The following AP2S1 variants were observed in gnomAD, a reference collection of about 807,000 sequenced individuals.
AP2S1 encodes AP-2 complex subunit sigma.
A neutral mutation model predicts 21.0 loss-of-function variants in AP2S1; 6 were observed. The ratio of observed to expected loss-of-function variants is 0.29; its 90% CI spans 0.16 to 0.56. The LOEUF (loss-of-function observed/expected upper bound fraction) is 0.56. Ranked by LOEUF, AP2S1 falls within the 20% of genes least tolerant of loss-of-function variation. AP2S1 has a pLI of 0.92. For missense variants in AP2S1, 60 were observed against 186.2 expected, an observed-to-expected ratio of 0.32 and a Z score of 3.95; for synonymous variants, 63 against 74.6, an observed-to-expected ratio of 0.84 and a Z score of 0.80.
In AP2S1 at chr19:46,838,699, C is replaced by G; in HGVS notation, c.327+41G>C. The G allele has an allele frequency of 6.2e-7, 1 of 1,609,094 alleles. No homozygotes were observed. The highest frequency in any genetic ancestry group is 8.5e-7 in the Non-Finnish European group (1 of 1,175,850). On this transcript the variant is annotated intron_variant, in intron 4 of 4. Coordinates refer to ENST00000263270, the MANE Select transcript of AP2S1 (RefSeq NM_004069.6). The surrounding 1 kb of genome is among the most constrained non-coding windows in gnomAD (Gnocchi z 4.1). ...TGCACCACGGGTCCCCCCCGTCCCC[C>G]TCCTCTGGCTCCTTCAGCCTCCTCT... is the stretch of plus-strand genomic sequence containing the variant.
chr19:46,840,224 C>G (rs1365818442), intron 2 of AP2S1, among the ~76,000 whole-genome samples: 2 of 151,906 alleles, frequency 1.3e-5, no homozygotes, highest in Non-Finnish European at 2.9e-5. Context: ...ATGCCAGGAT[C>G]AGGGACATGG....
At chr19:46,842,061 G>A (rs965426694) in intron 2 of AP2S1, among the ~76,000 whole-genome samples, 1 of 152,116 alleles carries the variant, frequency 6.6e-6, no homozygotes, top group African/African-American at 2.4e-5. Context: ...GGTCCCTGTA[G>A]TCCCAGCTAC....
At chr19:46,841,403 C>T (rs546638426) in intron 2 of AP2S1, among the ~76,000 whole-genome samples, 2 of 152,346 alleles carry the variant, frequency 1.3e-5, no homozygotes, top group Non-Finnish European at 2.9e-5. Context: ...TCCAGCCTCC[C>T]TTCCTGTTTT....
chr19:46,850,754 C>T lies in AP2S1; in HGVS notation c.3+10G>A, dbSNP rs1335664968. 1.9e-6 allele frequency: 3 copies of T among 1,580,694 alleles called. No homozygotes were observed. Among genetic ancestry groups the T allele is most frequent in the Non-Finnish European group, 1.7e-6 (2 of 1,156,334 alleles). On this transcript the variant is annotated intron_variant, in intron 1 of 4. Coordinates refer to ENST00000263270, the MANE Select transcript of AP2S1 (RefSeq NM_004069.6). ...CTCCGCCAGTCCCCGGCGTAGCGCT[C>T]CCCCGTTACCATGGCGACCCCCGTC...
In AP2S1 at chr19:46,839,841, A is replaced by AG. The variant is rs3833244; in HGVS notation, c.154-264dup. 0.51 allele frequency among the ~76,000 whole-genome samples: 76,729 copies of AG among 151,714 alleles called. 20,902 individuals carry two copies. Among genetic ancestry groups the AG allele is most frequent in the African/African-American group, 0.7 (28,881 of 41,348 alleles). On this transcript the variant is annotated intron_variant, in intron 2 of 4. Transcript: ENST00000263270. ...TAACCCCCTCTGATCCTGGAGAGTCAGGAGGGCTTCCTGGAGGAGGGGGTA... is the reference window on the plus strand; with the variant it reads ...TAACCCCCTCTGATCCTGGAGAGTCAGGGAGGGCTTCCTGGAGGAGGGGGTA...
At chr19:46,840,518 T>C (rs898504288) in intron 2 of AP2S1, among the ~76,000 whole-genome samples, 11 of 151,788 alleles carry the variant, frequency 7.2e-5, no homozygotes, top group Non-Finnish European at 1.5e-4. Flanking sequence ...CGTGTACCTG[T>C]GGTCCCAGCT....
At chr19:46,847,106 C>T (rs1028786343) in intron 1 of AP2S1, among the ~76,000 whole-genome samples, 13 of 152,146 alleles carry the variant, frequency 8.5e-5, no homozygotes, top group Non-Finnish European at 1.6e-4. Context: ...TTTCTCTTTG[C>T]TTCCTAACTT....
At chr19:46,843,893 A>G (rs2055571578) in intron 2 of AP2S1, among the ~76,000 whole-genome samples, 1 of 152,044 alleles carries the variant, frequency 6.6e-6, no homozygotes, top group Non-Finnish European at 1.5e-5. Flanking sequence ...GTCTCTAAAA[A>G]ACACCAAAAA....
intron 1 of AP2S1, among the ~76,000 whole-genome samples, chr19:46,847,798 T>C (rs1200469600): frequency 1.3e-5 from 2 of 152,084 alleles, no homozygotes; most frequent in African/African-American, 4.8e-5. Flanking sequence ...CGTGGCTGAG[T>C]GATCCTCTGT....
chr19:46,846,204 C>T (rs2055630386), intron 1 of AP2S1, 62 bp from the exon 2 acceptor site: 2 of 1,589,024 alleles, frequency 1.3e-6, no homozygotes, highest in South Asian at 1.1e-5. Context: ...TTGGGTGCTG[C>T]CCAACGGCCC....
chr19:46,848,067 GAGGAGTAA>G (rs1290317215), intron 1 of AP2S1, among the ~76,000 whole-genome samples: 1 of 152,062 alleles, frequency 6.6e-6, no homozygotes, highest in African/African-American at 2.4e-5. Context: ...AGTTTACTGT[GAGGAGTAA>G]AGGATATTCC....
rs764702221 is a variant in AP2S1 at position 46,838,398 on chromosome 19, A to G, written c.*49T>C. The G allele has an allele frequency of 6.3e-7, 1 of 1,581,340 alleles. No homozygotes were observed. The highest frequency in any genetic ancestry group is 8.7e-7 in the Non-Finnish European group (1 of 1,151,550). On this transcript the variant is annotated 3_prime_UTR_variant, in exon 5 of 5. Transcript: ENST00000263270. This position sits in a 1 kb window ranked among gnomAD's most constrained non-coding sequence, Gnocchi z 4.1. The stretch of plus-strand genomic sequence containing the variant: ...GCCACGGGCCTGGGAAGGGGAAGCG[A>G]GCAGGCGAGTCCAGGAGGGGCCGGG...
intron 1 of AP2S1, among the ~76,000 whole-genome samples, chr19:46,849,043 C>T (rs1211537803): frequency 2.4e-5 from 3 of 122,576 alleles, no homozygotes; most frequent in Non-Finnish European, 3.3e-5. Flanking sequence ...GACAGAGTCT[C>T]ACTCTGTCGC....
intron 2 of AP2S1, among the ~76,000 whole-genome samples, chr19:46,845,401 G>A (rs1055030250): frequency 6.9e-6 from 1 of 144,314 alleles, no homozygotes; most frequent in South Asian, 2.2e-4. Flanking sequence ...GTAAGACTCT[G>A]TCTCAAAAAA....
Position 46,849,849 on chromosome 19 carries a change from C to T in AP2S1, c.3+915G>A, listed in dbSNP as rs191966906. Among the ~76,000 whole-genome samples the T allele has an allele frequency of 4.9e-4, 74 of 152,282 alleles. 1 individual carries two copies. The highest frequency in any genetic ancestry group is 1.7e-3 in the South Asian group (8 of 4,826). ...GCTTCCTCCCTTCTTCAAAAGGTCACATTTTGCCTCCAAGGACCCTGTTCC... is the reference window on the plus strand; with the variant it reads ...GCTTCCTCCCTTCTTCAAAAGGTCATATTTTGCCTCCAAGGACCCTGTTCC... On this transcript the variant is annotated intron_variant, in intron 1 of 4. Coordinates refer to ENST00000263270, the MANE Select transcript of AP2S1 (RefSeq NM_004069.6).
chr19:46,845,100 GA>G (rs35651566), intron 2 of AP2S1, among the ~76,000 whole-genome samples: 177 of 93,864 alleles, frequency 1.9e-3, no homozygotes, highest in African/African-American at 5.1e-3. Flanking sequence ...CTCCATTTCA[GA>G]AAAAAAAAAA....
At chr19:46,846,636 C>T (rs2055639879) in intron 1 of AP2S1, among the ~76,000 whole-genome samples, 2 of 151,980 alleles carry the variant, frequency 1.3e-5, no homozygotes, top group African/African-American at 4.8e-5. Flanking sequence ...GAAGATTCAT[C>T]TCACCAGGGT....
intron 2 of AP2S1, among the ~76,000 whole-genome samples, chr19:46,842,974 A>G (rs1049161660): frequency 6.6e-5 from 10 of 152,166 alleles, no homozygotes; most frequent in African/African-American, 2.2e-4. Context: ...GCTCTCTCCA[A>G]GAACCCTGAC....
Position 46,847,829 on chromosome 19 carries a change from T to G in AP2S1, c.4-1687A>C, listed in dbSNP as rs114006261. Among the ~76,000 whole-genome samples the G allele has an allele frequency of 5.2e-3, 794 of 152,276 alleles. 11 individuals are homozygous for G. The highest frequency in any genetic ancestry group is 0.019 in the African/African-American group (772 of 41,550). On this transcript the variant is annotated intron_variant, in intron 1 of 4. Transcript: ENST00000263270. ...TCTGTTGGATGGATAAGGCCGTACT[T>G]CGGGCATTTGGGTTGTTTCTGCTTT...
Sources: allele counts gnomAD v4.1 joint callset (sites outside exome capture counted in the v4.1 genomes callset), GRCh38; gene constraint gnomAD v4.1.1; non-coding constraint Gnocchi (gnomAD v3.1); transcripts MANE v1.5; gene names NCBI Gene and HGNC (gene_info 2026-07-23, HGNC 2026-07-21).